TOPAZ1: variants seen among roughly 807,000 people sequenced by gnomAD.
TOPAZ1 encodes the protein testis and ovary specific TOPAZ 1, also known as protein TOPAZ1.
Under a neutral mutation model 172.2 loss-of-function variants are expected in TOPAZ1, and 66 were observed. That is an observed-to-expected ratio of 0.38 (90% confidence interval 0.31 to 0.47). TOPAZ1 has a LOEUF of 0.47. Among genes scored for constraint, TOPAZ1 ranks in the 20% least tolerant of loss-of-function variants. TOPAZ1 has a pLI of 0.99. For missense variants in TOPAZ1, 1,822 were observed against 1,972.4 expected (o/e 0.92, Z 1.44); for synonymous variants, 681 against 683.9 (o/e 1.00, Z 0.07).
intron 9 of TOPAZ1, 106 bp from the exon 10 acceptor site, chr3:44,287,283 T>C (rs1011784382): frequency 1.7e-6 from 1 of 605,506 alleles, no homozygotes; most frequent in Non-Finnish European, 2.5e-6. Flanking sequence ...AGAATTTACA[T>C]TGAATTCATA....
downstream of TOPAZ1, chr3:44,332,185 A>T (rs2125708755): frequency 1.8e-6 from 1 of 560,296 alleles, no homozygotes; most frequent in Non-Finnish European, 3.1e-6. Context: ...CATTGATTTT[A>T]TTCACACAGA....
intron 6 of TOPAZ1, among the ~76,000 whole-genome samples, chr3:44,268,520 C>T (rs529625988): frequency 5.3e-5 from 8 of 151,674 alleles, no homozygotes; most frequent in Middle Eastern, 3.4e-3. Flanking sequence ...ATTACAGGCA[C>T]GCACCACCAT....
At chr3:44,249,820 G>T (rs1699608960) in intron 2 of TOPAZ1, among the ~76,000 whole-genome samples, 1 of 152,182 alleles carries the variant, frequency 6.6e-6, no homozygotes. Flanking sequence ...AGTAGACATT[G>T]AACAATAGTG....
intron 16 of TOPAZ1, among the ~76,000 whole-genome samples, chr3:44,312,281 G>A (rs182380540): frequency 4.0e-5 from 6 of 149,174 alleles, no homozygotes; most frequent in Admixed American, 2.0e-4. Context: ...GCTACCATCC[G>A]AATAAGAATA....
intron 3 of TOPAZ1, among the ~76,000 whole-genome samples, chr3:44,255,729 A>G (rs919537159): frequency 6.9e-6 from 1 of 144,646 alleles, no homozygotes; most frequent in East Asian, 2.0e-4. Context: ...ACATATATAT[A>G]TGGTTAACAG....
chr3:44,316,294 A>T (rs1700451978), intron 16 of TOPAZ1, among the ~76,000 whole-genome samples: 1 of 152,186 alleles, frequency 6.6e-6, no homozygotes, highest in Non-Finnish European at 1.5e-5. Context: ...CAAGCAACTT[A>T]GCCTCATCCA....
intron 4 of TOPAZ1, among the ~76,000 whole-genome samples, chr3:44,258,779 G>A (rs557040641): frequency 6.6e-6 from 1 of 152,198 alleles, no homozygotes; most frequent in Non-Finnish European, 1.5e-5. Flanking sequence ...ATCTATAAAC[G>A]TTCATGTACA....
chr3:44,278,068 T>C (rs1699983364), intron 8 of TOPAZ1, among the ~76,000 whole-genome samples: 2 of 152,244 alleles, frequency 1.3e-5, no homozygotes, highest in African/African-American at 2.4e-5. Flanking sequence ...TTGCCTAGTT[T>C]ATTGAGATTT....
chr3:44,243,973 T>C lies in TOPAZ1; in HGVS notation c.1467T>C (p.Thr489=), dbSNP rs1559522212. ...GCTGTCAGAGAACAATACCTATGAC[T>C]GGTAAAAGAACTTGGCCCTATTATT... ...KLSCQRTIPM[T]GKRTWPYYSC... Residue 489 remains threonine (T), a synonymous_variant, in exon 2 of 20, where the codon ACT becomes ACC. Transcript: ENST00000309765. The C allele has an allele frequency of 7.1e-6, 11 of 1,552,204 alleles. No individual in the cohort carries two copies. The highest frequency in any genetic ancestry group is 9.6e-6 in the Non-Finnish European group (11 of 1,147,078).
At position 44,241,994 on chromosome 3, in the gene TOPAZ1, A is replaced by T. The variant is rs1478015878; in HGVS notation, c.-60A>T. The T allele has an allele frequency of 6.8e-7, 1 of 1,468,036 alleles. No homozygotes were observed. Among genetic ancestry groups the T allele is most frequent in the African/African-American group, 1.4e-5 (1 of 70,758 alleles). The allele number at this position is 1,468,036 out of a possible 1,614,324, so 90.9% of individuals were successfully genotyped here. On this transcript the variant is annotated 5_prime_UTR_variant, in exon 1 of 20. Coordinates refer to ENST00000309765, the MANE Select transcript of TOPAZ1 (RefSeq NM_001145030.2). ...ACCTCCAGGCGGGAGCAGCGTTTGC[A>T]CCGCGGTGGGTTCCTGCGAGCTGGT...
In TOPAZ1 at chr3:44,328,275, A is replaced by C. The variant is rs1446054734; in HGVS notation, c.4701A>C (p.Pro1567=). 12 of 1,508,036 alleles carry C rather than the reference A, an allele frequency of 8.0e-6. No individual in the cohort carries two copies. Among genetic ancestry groups the C allele is most frequent in the Non-Finnish European group, 1.1e-5 (12 of 1,131,882 alleles). 93.4% of individuals were successfully genotyped at this position (1,508,036 alleles called of 1,614,324 possible). A position where few individuals can be genotyped will look rare whatever the true frequency, so the allele number is the denominator to read the frequency against. Residue 1567 remains proline (P), a synonymous_variant, in exon 19 of 20, where the codon CCA becomes CCC. Transcript: ENST00000309765. Reference sequence around the variant, plus strand: ...GTGCTCTTTCCTTGGGTTGCTACCCACCATTGGAAGGAAATTTATACCGAA... The same window carrying C: ...GTGCTCTTTCCTTGGGTTGCTACCCCCCATTGGAAGGAAATTTATACCGAA... The part of the protein sequence containing the change: ...YKSALSLGCY[P]PLEGNLYRKL...
rs147334491 is a variant in TOPAZ1 at position 44,289,961 on chromosome 3, C to T, written c.3682-810C>T. 2.4e-3 allele frequency among the ~76,000 whole-genome samples: 360 copies of T among 152,264 alleles called. 2 individuals are homozygous for T. Among genetic ancestry groups the T allele is most frequent in the Middle Eastern group, 0.01 (3 of 294 alleles). ...ATTGCTCAGAGAATTTCAAACACCA[C>T]TCAGTTGAGTCATTCTTAACTCTCT... On this transcript the variant is annotated intron_variant, in intron 11 of 19. Coordinates refer to ENST00000309765, the MANE Select transcript of TOPAZ1 (RefSeq NM_001145030.2).
intron 16 of TOPAZ1, among the ~76,000 whole-genome samples, chr3:44,316,908 C>T (rs1233754845): frequency 2.0e-5 from 3 of 152,028 alleles, no homozygotes; most frequent in African/African-American, 4.8e-5. Context: ...CCAAGCATCT[C>T]TGTGTTTCTA....
intron 7 of TOPAZ1, among the ~76,000 whole-genome samples, chr3:44,270,197 A>G (rs1011532325): frequency 2.0e-5 from 3 of 152,240 alleles, no homozygotes; most frequent in African/African-American, 7.2e-5. Context: ...CAGAAAAACT[A>G]AGGAGAATTT....
chr3:44,312,419 G>C (rs1255978994), intron 16 of TOPAZ1, among the ~76,000 whole-genome samples: 2 of 152,174 alleles, frequency 1.3e-5, no homozygotes, highest in Admixed American at 6.5e-5. Context: ...GGAGGACAGA[G>C]TAGCAGATTA....
At chr3:44,277,299 C>G (rs933257853) in intron 8 of TOPAZ1, among the ~76,000 whole-genome samples, 4 of 152,196 alleles carry the variant, frequency 2.6e-5, no homozygotes, top group Middle Eastern at 3.4e-3. Context: ...TCAGCTAGTT[C>G]ATTATTGGTG....
chr3:44,251,891 A>G (rs762065592), intron 2 of TOPAZ1, among the ~76,000 whole-genome samples: 1 of 152,122 alleles, frequency 6.6e-6, no homozygotes, highest in Non-Finnish European at 1.5e-5. Flanking sequence ...ACCAATTCAG[A>G]ACTGTGACTA....
chr3:44,269,471 C>CTTTTT lies in TOPAZ1; in HGVS notation c.3246+197_3246+201dup, dbSNP rs71085612. ...CCTTTTGATTGTATTTCCCTATCAT[C>CTTTTT]TTTTTTTTTTTTTTTTTTTTTTTTT... is the stretch of plus-strand genomic sequence containing the variant. On this transcript the variant is annotated intron_variant, in intron 7 of 19. Coordinates refer to ENST00000309765, the MANE Select transcript of TOPAZ1 (RefSeq NM_001145030.2). Among the ~76,000 whole-genome samples the CTTTTT allele has an allele frequency of 6.2e-4, 21 of 33,934 alleles. 3 individuals carry two copies. The highest frequency in any genetic ancestry group is 8.2e-4 in the African/African-American group (5 of 6,122). The allele number at this position is 33,934 out of a possible 152,430, so 22.3% of individuals were successfully genotyped here.
intron 8 of TOPAZ1, among the ~76,000 whole-genome samples, chr3:44,279,058 A>G (rs993439359): frequency 2.0e-5 from 3 of 151,724 alleles, no homozygotes; most frequent in Non-Finnish European, 4.4e-5. Flanking sequence ...AAATTTTTGC[A>G]TTTTCTTCTT....
Sources: gnomAD v4.1 joint callset for allele counts (sites outside exome capture counted in the v4.1 genomes callset) on GRCh38, gnomAD v4.1.1 for gene constraint, MANE v1.5 for transcripts, NCBI Gene and HGNC (gene_info 2026-07-23, HGNC 2026-07-21) for gene names.